UBE3D: variants seen among roughly 807,000 people sequenced by gnomAD.
The protein encoded by UBE3D is ubiquitin protein ligase E3D.
Under a neutral mutation model 49.6 loss-of-function variants are expected in UBE3D, and 48 were observed. That is an observed-to-expected ratio of 0.97 (90% CI 0.77 to 1.23). The LOEUF (loss-of-function observed/expected upper bound fraction) is 1.23. Ranked by LOEUF, UBE3D falls within the 50% of genes most tolerant of loss-of-function variation. The pLI is 0.00. For synonymous variants in UBE3D, 189 were observed against 174.2 expected (o/e 1.08, Z -0.67); for missense variants, 452 against 468.4 (o/e 0.96, Z 0.32).
intron 5 of UBE3D, among the ~76,000 whole-genome samples, chr6:83,035,071 C>A (rs1378281220): frequency 6.6e-6 from 1 of 151,350 alleles, no homozygotes; most frequent in Non-Finnish European, 1.5e-5. Context: ...GTCCCGGCTA[C>A]TTGGGAGGCT....
chr6:82,941,175 T>C (rs1416480844), intron 9 of UBE3D, among the ~76,000 whole-genome samples: 2 of 152,066 alleles, frequency 1.3e-5, no homozygotes, highest in African/African-American at 2.4e-5. Context: ...CACTGGACTC[T>C]ATCCTGGGTG....
intron 8 of UBE3D, among the ~76,000 whole-genome samples, chr6:82,976,269 T>C (rs750484112): frequency 3.9e-5 from 6 of 152,210 alleles, no homozygotes; most frequent in East Asian, 1.9e-4. Flanking sequence ...AGCCTGGTGC[T>C]ATGGTCCCAT....
chr6:82,901,053 A>T (rs543918969), intron 9 of UBE3D, among the ~76,000 whole-genome samples: 1 of 152,130 alleles, frequency 6.6e-6, no homozygotes, highest in African/African-American at 2.4e-5. Flanking sequence ...AAAAAGAAAA[A>T]TTTTGTGGCT....
At chr6:83,055,583 G>A (rs1159989730) in intron 2 of UBE3D, among the ~76,000 whole-genome samples, 1 of 152,150 alleles carries the variant, frequency 6.6e-6, no homozygotes, top group African/African-American at 2.4e-5. Flanking sequence ...TGATGCACTG[G>A]GTCGGGTTTA....
intron 9 of UBE3D, among the ~76,000 whole-genome samples, chr6:82,925,467 T>C (rs1404405707): frequency 6.6e-6 from 1 of 152,134 alleles, no homozygotes; most frequent in Non-Finnish European, 1.5e-5. Flanking sequence ...GACTCTATGA[T>C]TAGACACTCG....
At chr6:83,043,716 T>G (rs149839023) in intron 4 of UBE3D, among the ~76,000 whole-genome samples, 1 of 152,258 alleles carries the variant, frequency 6.6e-6, no homozygotes, top group South Asian at 2.1e-4. Flanking sequence ...AATGATTCTC[T>G]GGGAATGATT....
intron 9 of UBE3D, 21 bp from the exon 10 acceptor site, chr6:82,893,063 C>T (rs1160792541): frequency 6.2e-7 from 1 of 1,613,108 alleles, no homozygotes; most frequent in South Asian, 1.1e-5. Context: ...AAGAAAAACC[C>T]ACAATGCTTT....
At position 82,913,861 on chromosome 6, in the gene UBE3D, G is replaced by C. The variant is rs977019853; in HGVS notation, c.1150-20819C>G. Among the ~76,000 whole-genome samples the C allele has an allele frequency of 7.9e-5, 12 of 152,274 alleles. 1 individual carries two copies. The South Asian group carries it at 2.5e-3, about 32-fold the overall frequency. ...TTATCAACTACAACATTCACATCTA[G>C]CCTGAGTGAAAGGAAAGGCCATTCC... On this transcript the variant is annotated intron_variant, in intron 9 of 9. Coordinates refer to ENST00000369747, the MANE Select transcript of UBE3D (RefSeq NM_198920.3).
chr6:82,958,125 C>T (rs529590013), intron 8 of UBE3D, among the ~76,000 whole-genome samples: 1 of 152,110 alleles, frequency 6.6e-6, no homozygotes, highest in East Asian at 1.9e-4. Flanking sequence ...GATCAGGAAA[C>T]CAAGGGCTAG....
At chr6:82,906,415 T>C (rs568231390) in intron 9 of UBE3D, among the ~76,000 whole-genome samples, 4 of 152,356 alleles carry the variant, frequency 2.6e-5, no homozygotes, top group East Asian at 1.9e-4. Flanking sequence ...TTCTCACTGA[T>C]ACTCAAACCT....
At position 83,023,322 on chromosome 6, in the gene UBE3D, A is replaced by C. The variant is rs999925332; in HGVS notation, c.737+647T>G. 1.3e-5 allele frequency among the ~76,000 whole-genome samples: 2 copies of C among 152,348 alleles called. 1 individual carries two copies. Among genetic ancestry groups the C allele is most frequent in the African/African-American group, 4.8e-5 (2 of 41,594 alleles). On this transcript the variant is annotated intron_variant, in intron 6 of 9. Coordinates refer to ENST00000369747, the MANE Select transcript of UBE3D (RefSeq NM_198920.3). Reference sequence around the variant, plus strand: ...GAAATAAGCATAGAAAACTTTCAGAATTAGAAGATTTATAAGAGCACATTT... The same window carrying C: ...GAAATAAGCATAGAAAACTTTCAGACTTAGAAGATTTATAAGAGCACATTT...
intron 7 of UBE3D, 69 bp downstream of exon 7, chr6:83,022,384 G>A (rs1781161641): frequency 9.6e-7 from 1 of 1,038,400 alleles, no homozygotes. Flanking sequence ...AAAAAAGGAT[G>A]AAAAAACTGA....
intron 2 of UBE3D, among the ~76,000 whole-genome samples, chr6:83,054,614 T>A (rs1374974537): frequency 3.3e-5 from 5 of 152,206 alleles, no homozygotes; most frequent in African/African-American, 1.2e-4. Flanking sequence ...ACAATAGTGT[T>A]TCATCAGTGT....
chr6:82,997,778 A>T (rs1779348102), intron 8 of UBE3D, among the ~76,000 whole-genome samples: 1 of 152,190 alleles, frequency 6.6e-6, no homozygotes, highest in African/African-American at 2.4e-5. Flanking sequence ...TTCCAGGGGC[A>T]TATATAAATA....
At chr6:82,952,554 A>G (rs2127768578) in intron 9 of UBE3D, among the ~76,000 whole-genome samples, 1 of 152,228 alleles carries the variant, frequency 6.6e-6, no homozygotes, top group South Asian at 2.1e-4. Context: ...CCTTCTGAGT[A>G]GCTGGAGCTA....
chr6:83,046,233 C>CTT (rs201532901), intron 3 of UBE3D, among the ~76,000 whole-genome samples: 12 of 147,066 alleles, frequency 8.2e-5, no homozygotes, highest in East Asian at 5.9e-4. Context: ...GTGAATGCTA[C>CTT]TTTTTTTTTT....
intron 2 of UBE3D, among the ~76,000 whole-genome samples, chr6:83,057,429 C>T (rs1783883370): frequency 6.6e-6 from 1 of 152,206 alleles, no homozygotes; most frequent in African/African-American, 2.4e-5. Flanking sequence ...TAGCACATAG[C>T]ACAAACCAAA....
the UBE3D span, among the ~76,000 whole-genome samples, chr6:82,884,741 A>G: frequency 1.3e-5 from 2 of 152,318 alleles, no homozygotes; most frequent in East Asian, 3.9e-4. Context: ...GGGTGATCCC[A>G]CAGCATAATT....
intron 9 of UBE3D, among the ~76,000 whole-genome samples, chr6:82,905,835 T>TA (rs1229169405): frequency 5.3e-5 from 8 of 152,136 alleles, no homozygotes; most frequent in Non-Finnish European, 2.9e-5. Flanking sequence ...TTTTAGCTTA[T>TA]AAAAAATTTC....
Sources: gnomAD v4.1 joint callset for allele counts (sites outside exome capture counted in the v4.1 genomes callset) on GRCh38, gnomAD v4.1.1 for gene constraint, MANE v1.5 for transcripts, NCBI Gene and HGNC (gene_info 2026-07-23, HGNC 2026-07-21) for gene names.